The following SLC35F4 variants were observed in gnomAD, a reference collection of about 807,000 sequenced individuals.
The protein encoded by SLC35F4 is chromosome 14 open reading frame 36.
In SLC35F4, 24 loss-of-function variants were observed where a neutral mutation model predicts 44.2. The ratio of observed to expected loss-of-function variants is 0.54; its 90% CI spans 0.39 to 0.76. SLC35F4 has a LOEUF of 0.76. SLC35F4 is among the 30% of genes least tolerant of loss of function. The probability of loss-of-function intolerance (pLI) is 0.00; values close to 1 mark genes in which losing one functional copy is unlikely to be tolerated. For missense variants in SLC35F4, 562 were observed against 586.1 expected, an observed-to-expected ratio of 0.96 and a Z score of 0.42; for synonymous variants, 238 against 223.6, an observed-to-expected ratio of 1.06 and a Z score of -0.57.
At chr14:57,580,557 C>G (rs910457017) in intron 4 of SLC35F4, 1 of 375,756 alleles carries the variant, frequency 2.7e-6, no homozygotes. Context: ...TAACATAGAA[C>G]AAGCATATAA....
intron 1 of SLC35F4, among the ~76,000 whole-genome samples, chr14:57,650,649 A>C (rs1246523124): frequency 1.3e-5 from 2 of 152,264 alleles, no homozygotes; most frequent in East Asian, 3.9e-4. Flanking sequence ...GTGGTCTTTA[A>C]AAAATGGCAG....
At chr14:57,860,459 T>A (rs77312735) in intron 1 of SLC35F4, among the ~76,000 whole-genome samples, 3 of 152,136 alleles carry the variant, frequency 2.0e-5, no homozygotes, top group African/African-American at 7.2e-5. Context: ...ACCTACTGCA[T>A]GGCTGTTCTA....
intron 1 of SLC35F4, among the ~76,000 whole-genome samples, chr14:57,782,024 C>T (rs995370828): frequency 6.6e-6 from 1 of 152,096 alleles, no homozygotes; most frequent in Non-Finnish European, 1.5e-5. Flanking sequence ...CACAAGTTTA[C>T]CTATATAACA....
intron 1 of SLC35F4, among the ~76,000 whole-genome samples, chr14:57,821,666 G>A (rs1031923401): frequency 6.6e-6 from 1 of 152,268 alleles, no homozygotes; most frequent in South Asian, 2.1e-4. Flanking sequence ...ACCATGGCTG[G>A]GGAAGGTTGG....
At chr14:57,622,820 A>AAAAAAAT (rs1388805777) in intron 1 of SLC35F4, among the ~76,000 whole-genome samples, 1 of 151,948 alleles carries the variant, frequency 6.6e-6, no homozygotes, top group Non-Finnish European at 1.5e-5. Context: ...AAAGTATAAT[A>AAAAAAAT]AAAAAATAAA....
At chr14:57,898,332 T>C (rs950894714) in intron 1 of SLC35F4, among the ~76,000 whole-genome samples, 22 of 152,242 alleles carry the variant, frequency 1.4e-4, no homozygotes, top group African/African-American at 5.3e-4. Flanking sequence ...AAGCTGCAGG[T>C]TAAAACACAT....
At chr14:57,595,795 T>G (rs1218107011) in intron 1 of SLC35F4, 1 of 152,246 alleles carries the variant, frequency 6.6e-6, no homozygotes, top group Non-Finnish European at 1.5e-5. Context: ...CACTGCAAGA[T>G]GCCCTGGGCT....
At chr14:57,624,660 C>G (rs57310552) in intron 1 of SLC35F4, among the ~76,000 whole-genome samples, 10,333 of 152,168 alleles carry the variant, frequency 0.068, 997 homozygotes, top group African/African-American at 0.22. Flanking sequence ...ATATGCAAAT[C>G]AATAAACATA....
chr14:57,771,254 C>T (rs2077356496), intron 1 of SLC35F4, among the ~76,000 whole-genome samples: 1 of 152,156 alleles, frequency 6.6e-6, no homozygotes, highest in African/African-American at 2.4e-5. Flanking sequence ...CCCACTTCAC[C>T]TCCATTTGTG....
At position 57,566,465 on chromosome 14, in the gene SLC35F4, G is replaced by T; in HGVS notation, c.1216+10C>A. The T allele has an allele frequency of 6.3e-7, 1 of 1,581,064 alleles. No individual in the cohort carries two copies. The highest frequency in any genetic ancestry group is 1.8e-5 in the Admixed American group (1 of 55,302). The stretch of plus-strand genomic sequence containing the variant: ...GGCCAGGATCTGCACATGTCACATG[G>T]TGCCTGTACCTGCATTTCCAGGAAC... On this transcript the variant is annotated intron_variant, in intron 7 of 7. Coordinates refer to ENST00000556826, the MANE Select transcript of SLC35F4 (RefSeq NM_001306087.2).
At chr14:57,762,956 T>C (rs2140635463) in intron 1 of SLC35F4, among the ~76,000 whole-genome samples, 1 of 152,286 alleles carries the variant, frequency 6.6e-6, no homozygotes, top group South Asian at 2.1e-4. Flanking sequence ...ACAAGTAATG[T>C]TTATCTAAAA....
At position 57,820,521 on chromosome 14, in the gene SLC35F4, A is replaced by G. The variant is rs10149464; in HGVS notation, c.103+45202T>C. ...TCACCAATGATCAGAGGTAACTCAA[A>G]AGCTATATATGTCTCAGTAATTAAT... On this transcript the variant is annotated intron_variant, in intron 1 of 7. Coordinates refer to ENST00000556826, the MANE Select transcript of SLC35F4 (RefSeq NM_001306087.2). Among the ~76,000 whole-genome samples the G allele has an allele frequency of 3.9e-3, 596 of 152,330 alleles. 5 individuals are homozygous for G. Among genetic ancestry groups the G allele is most frequent in the African/African-American group, 0.014 (569 of 41,570 alleles).
At chr14:57,958,599 T>A (rs1890285381) in intron 1 of SLC35F4, among the ~76,000 whole-genome samples, 1 of 152,132 alleles carries the variant, frequency 6.6e-6, no homozygotes, top group Non-Finnish European at 1.5e-5. Flanking sequence ...ATACTTCGTG[T>A]GTATACCAAA....
At chr14:57,599,128 A>G (rs908030099) in intron 1 of SLC35F4, among the ~76,000 whole-genome samples, 6 of 152,176 alleles carry the variant, frequency 3.9e-5, no homozygotes, top group African/African-American at 1.4e-4. Context: ...GATTTTTCAA[A>G]CATGTATTTG....
chr14:57,613,378 A>C (rs942735395), intron 1 of SLC35F4, among the ~76,000 whole-genome samples: 1 of 152,174 alleles, frequency 6.6e-6, no homozygotes, highest in Admixed American at 6.5e-5. Flanking sequence ...TGATGGCAAA[A>C]GGAGAGCCTG....
intron 1 of SLC35F4, among the ~76,000 whole-genome samples, chr14:57,738,552 G>A (rs1302745557): frequency 6.6e-6 from 1 of 151,730 alleles, no homozygotes; most frequent in African/African-American, 2.4e-5. Context: ...CCATGTTCTG[G>A]TATAGATTAT....
At chr14:57,886,183 G>A (rs888047125) in intron 1 of SLC35F4, among the ~76,000 whole-genome samples, 2 of 152,066 alleles carry the variant, frequency 1.3e-5, no homozygotes, top group Admixed American at 1.3e-4. Context: ...ATTATCTATT[G>A]CTGCATAATA....
intron 1 of SLC35F4, among the ~76,000 whole-genome samples, chr14:57,767,234 T>C (rs2077256821): frequency 6.6e-6 from 1 of 152,196 alleles, no homozygotes; most frequent in Non-Finnish European, 1.5e-5. Flanking sequence ...TCAACAAATA[T>C]GATCTAATTG....
At chr14:57,925,499 G>GGAAGGAAGGAAGGAAGGA (rs1566930948) in intron 1 of SLC35F4, among the ~76,000 whole-genome samples, 12 of 15,880 alleles carry the variant, frequency 7.6e-4, no homozygotes, top group Non-Finnish European at 1.3e-3. Flanking sequence ...GGAAGGAAGG[G>GGAAGGAAGGAAGGAAGGA]AGGGAGGGAG....
Sources: gnomAD v4.1 joint callset for allele counts (sites outside exome capture counted in the v4.1 genomes callset) on GRCh38, gnomAD v4.1.1 for gene constraint, MANE v1.5 for transcripts, NCBI Gene and HGNC (gene_info 2026-07-23, HGNC 2026-07-21) for gene names.